AOAH: variants seen among roughly 807,000 people sequenced by gnomAD.
AOAH encodes the protein acyloxyacyl hydrolase.
Under a neutral mutation model 92.2 loss-of-function variants are expected in AOAH, and 64 were observed. The ratio of observed to expected loss-of-function variants is 0.69; its 90% confidence interval spans 0.57 to 0.86. The LOEUF (loss-of-function observed/expected upper bound fraction) is 0.86, where lower values mean the gene tolerates loss of function less well. Among genes scored for constraint, AOAH ranks in the 40% least tolerant of loss-of-function variants. The probability of loss-of-function intolerance (pLI) is 0.00; values close to 1 mark genes in which losing one functional copy is unlikely to be tolerated. For missense variants in AOAH, 656 were observed against 694.6 expected (o/e 0.94, Z 0.62); for synonymous variants, 263 against 254.5 (o/e 1.03, Z -0.32).
At chr7:36,678,798 G>T (rs1796466010) in intron 2 of AOAH, among the ~76,000 whole-genome samples, 1 of 152,070 alleles carries the variant, frequency 6.6e-6, no homozygotes, top group African/African-American at 2.4e-5. Flanking sequence ...AATCCGTAAG[G>T]GTACAAAGCA....
At chr7:36,652,370 T>C (rs1794629848) in intron 4 of AOAH, among the ~76,000 whole-genome samples, 2 of 152,206 alleles carry the variant, frequency 1.3e-5, no homozygotes, top group Non-Finnish European at 2.9e-5. Flanking sequence ...AAATAAATGA[T>C]TGGCTAATTC....
chr7:36,669,164 T>C (rs572032068), intron 3 of AOAH, among the ~76,000 whole-genome samples: 18 of 152,290 alleles, frequency 1.2e-4, no homozygotes, highest in Non-Finnish European at 1.9e-4. Context: ...TTGAAAGTGC[T>C]CATATTTAGA....
chr7:36,682,888 G>C (rs1796735789), intron 2 of AOAH, among the ~76,000 whole-genome samples: 1 of 151,898 alleles, frequency 6.6e-6, no homozygotes, highest in African/African-American at 2.4e-5. Context: ...GTGGATAATA[G>C]AAATCCCAGA....
chr7:36,705,154 C>A (rs1162225882), intron 1 of AOAH, among the ~76,000 whole-genome samples: 2 of 151,934 alleles, frequency 1.3e-5, no homozygotes, highest in Admixed American at 1.3e-4. Context: ...TGCAATCAGG[C>A]AAGAGAAATA....
chr7:36,560,686 G>A (rs971916769), intron 13 of AOAH, among the ~76,000 whole-genome samples: 26 of 152,038 alleles, frequency 1.7e-4, no homozygotes, highest in African/African-American at 6.0e-4. Flanking sequence ...GAAGAGAGAC[G>A]GTTTGACTTC....
At chr7:36,620,719 A>C (rs568863834) in intron 9 of AOAH, 62 bp downstream of exon 9, 1 of 1,527,416 alleles carries the variant, frequency 6.5e-7, no homozygotes, top group East Asian at 2.3e-5. Context: ...CAAATATGTG[A>C]TGAGCTTTAG....
chr7:36,662,048 C>A (rs1795245681), intron 3 of AOAH, among the ~76,000 whole-genome samples: 1 of 152,164 alleles, frequency 6.6e-6, no homozygotes, highest in Non-Finnish European at 1.5e-5. Context: ...ACCGCTACAC[C>A]TCCAAACACT....
At chr7:36,639,855 A>G (rs1472070234) in intron 4 of AOAH, among the ~76,000 whole-genome samples, 1 of 152,226 alleles carries the variant, frequency 6.6e-6, no homozygotes, top group Non-Finnish European at 1.5e-5. Context: ...ACTGACCTCG[A>G]GCAAGTACAG....
intron 13 of AOAH, among the ~76,000 whole-genome samples, chr7:36,566,904 G>A (rs1214855642): frequency 6.6e-6 from 1 of 152,046 alleles, no homozygotes; most frequent in Non-Finnish European, 1.5e-5. Flanking sequence ...TCTGCCTCCC[G>A]GGTTCCAGCG....
intron 13 of AOAH, among the ~76,000 whole-genome samples, chr7:36,557,331 G>T (rs1446417325): frequency 1.3e-5 from 2 of 152,250 alleles, no homozygotes; most frequent in African/African-American, 2.4e-5. Flanking sequence ...CCTCTGGCTT[G>T]TAGAGTTTCT....
chr7:36,594,307 T>G, intron 12 of AOAH, 32 bp downstream of exon 12: 2 of 1,533,322 alleles, frequency 1.3e-6, no homozygotes, highest in Non-Finnish European at 1.8e-6. Flanking sequence ...ACAGAGGTAT[T>G]GAAATGTCTG....
chr7:36,538,800 T>G (rs1417694616), intron 16 of AOAH, among the ~76,000 whole-genome samples: 2 of 152,222 alleles, frequency 1.3e-5, no homozygotes, highest in African/African-American at 4.8e-5. Context: ...CAAAGTTGCA[T>G]GAACAGGAAG....
At chr7:36,666,757 TAA>T (rs1408467848) in intron 3 of AOAH, among the ~76,000 whole-genome samples, 3 of 152,168 alleles carry the variant, frequency 2.0e-5, no homozygotes, top group African/African-American at 7.2e-5. Flanking sequence ...CGAATTTTGA[TAA>T]GTTTTATTTT....
At chr7:36,710,971 G>T (rs1798731823) in intron 1 of AOAH, among the ~76,000 whole-genome samples, 1 of 152,144 alleles carries the variant, frequency 6.6e-6, no homozygotes. Context: ...GTGAAGTGGT[G>T]CCGAGGGTGA....
intron 2 of AOAH, among the ~76,000 whole-genome samples, chr7:36,680,317 A>C (rs1796564537): frequency 6.6e-6 from 1 of 152,260 alleles, no homozygotes; most frequent in South Asian, 2.1e-4. Context: ...GGGCACAGGG[A>C]AAGGCAACAT....
In AOAH at chr7:36,620,797, T is replaced by A; in HGVS notation, c.686A>T (p.Asn229Ile). The A allele has an allele frequency of 6.2e-7, 1 of 1,613,908 alleles. No individual in the cohort carries two copies. The highest frequency in any genetic ancestry group is 8.5e-7 in the Non-Finnish European group (1 of 1,179,874). Residue 229 changes from asparagine to isoleucine, a missense_variant, in exon 9 of 21, where the codon AAC becomes ATC. Transcript: ENST00000617537. ...GTTGCTTACCCAAATGCCATTACAG[T>A]TTGAATCCTGATGGACATCCCAGTT... ...PNNWDVHQDSNCNGIWGVDPK... is the reference protein window; with the variant it reads ...PNNWDVHQDSICNGIWGVDPK...
intron 16 of AOAH, among the ~76,000 whole-genome samples, chr7:36,535,518 T>C (rs1785001636): frequency 6.6e-6 from 1 of 152,118 alleles, no homozygotes; most frequent in South Asian, 2.1e-4. Flanking sequence ...GGTTTCAAGT[T>C]TAAGAGTAAT....
intron 1 of AOAH, among the ~76,000 whole-genome samples, chr7:36,708,493 A>C (rs77893263): frequency 0.034 from 5,152 of 152,206 alleles, 122 homozygotes; most frequent in Non-Finnish European, 0.054. Flanking sequence ...GGTGGTCTTT[A>C]ATTCTGTGGA....
At chr7:36,548,801 T>C (rs73097488) in intron 14 of AOAH, 115 bp from the exon 15 acceptor site, 11,340 of 645,932 alleles carry the variant, frequency 0.018, 142 homozygotes, top group Middle Eastern at 0.06. Flanking sequence ...TCTTGGCAAC[T>C]TTTTGCTATT....
Sources: gnomAD v4.1 joint callset for allele counts (sites outside exome capture counted in the v4.1 genomes callset) on GRCh38, gnomAD v4.1.1 for gene constraint, MANE v1.5 for transcripts, NCBI Gene and HGNC (gene_info 2026-07-23, HGNC 2026-07-21) for gene names.